The following ASAP1 variants were observed in gnomAD, a reference collection of about 807,000 sequenced individuals.
ASAP1 encodes the protein arf-GAP with SH3 domain, ANK repeat and PH domain-containing protein 1.
Under a neutral mutation model 145.2 loss-of-function variants are expected in ASAP1, and 43 were observed. That is an observed-to-expected ratio of 0.30 (90% CI 0.23 to 0.38). ASAP1 has a LOEUF of 0.38. ASAP1 is among the 10% of genes least tolerant of loss of function. The pLI is 1.00. For missense variants in ASAP1, 1,018 were observed against 1,355.3 expected, an observed-to-expected ratio of 0.75 and a Z score of 3.91; for synonymous variants, 546 against 515.5, an observed-to-expected ratio of 1.06 and a Z score of -0.80.
At chr8:130,418,777 T>A (rs1587009268) in intron 1 of ASAP1, among the ~76,000 whole-genome samples, 1 of 1,476 alleles carries the variant, frequency 6.8e-4, no homozygotes, top group East Asian at 0.015. Context: ...AAAATAGGAG[T>A]TTTTTTTTTT....
intron 3 of ASAP1, among the ~76,000 whole-genome samples, chr8:130,291,344 T>C (rs1821933776): frequency 6.6e-6 from 1 of 152,222 alleles, no homozygotes; most frequent in African/African-American, 2.4e-5. Flanking sequence ...CTGTAAGACC[T>C]AGGCCAGACA....
intron 3 of ASAP1, among the ~76,000 whole-genome samples, chr8:130,310,500 A>G (rs1172817848): frequency 6.6e-6 from 1 of 152,172 alleles, no homozygotes; most frequent in Non-Finnish European, 1.5e-5. Context: ...GAATTAAACC[A>G]CAAAGGCAAT....
chr8:130,300,215 G>T (rs1163677473), intron 3 of ASAP1, among the ~76,000 whole-genome samples: 1 of 144,128 alleles, frequency 6.9e-6, no homozygotes, highest in East Asian at 2.1e-4. Flanking sequence ...AATACAAAAG[G>T]CTTCTAAGGT....
intron 3 of ASAP1, among the ~76,000 whole-genome samples, chr8:130,317,857 C>G (rs1193097193): frequency 6.6e-6 from 1 of 152,172 alleles, no homozygotes; most frequent in African/African-American, 2.4e-5. Flanking sequence ...AGACCTGATA[C>G]AGCAGCAAGA....
intron 3 of ASAP1, among the ~76,000 whole-genome samples, chr8:130,287,285 G>T (rs541322091): frequency 6.6e-6 from 1 of 152,194 alleles, no homozygotes; most frequent in African/African-American, 2.4e-5. Flanking sequence ...TTGATGGATG[G>T]ATGTTGGGGG....
At position 130,207,429 on chromosome 8, in the gene ASAP1, C is replaced by T. The variant is rs960991343; in HGVS notation, c.405+7127G>A. On this transcript the variant is annotated intron_variant, in intron 5 of 29. Coordinates refer to ENST00000518721, the MANE Select transcript of ASAP1 (RefSeq NM_018482.4). ...ACATAAATTATTTCTAAAAATGCCA[C>T]CAGAATGGCAACTCCAAGAGGATAC... is the stretch of plus-strand genomic sequence containing the variant. 3.9e-5 allele frequency among the ~76,000 whole-genome samples: 6 copies of T among 152,160 alleles called. No homozygotes were observed. In the East Asian group the frequency reaches 1.2e-3, roughly 29 times the overall value.
At chr8:130,381,337 T>A (rs1827758966) in intron 2 of ASAP1, among the ~76,000 whole-genome samples, 1 of 152,214 alleles carries the variant, frequency 6.6e-6, no homozygotes, top group Non-Finnish European at 1.5e-5. Context: ...CCAATTTTAA[T>A]AACATATGTC....
chr8:130,406,782 C>T (rs554067931), intron 1 of ASAP1, among the ~76,000 whole-genome samples: 43 of 152,244 alleles, frequency 2.8e-4, no homozygotes, highest in Non-Finnish European at 5.3e-4. Context: ...TGTGCCTGCC[C>T]TAGTTCTCTC....
intron 5 of ASAP1, among the ~76,000 whole-genome samples, chr8:130,206,930 A>C (rs901998578): frequency 6.6e-6 from 1 of 152,174 alleles, no homozygotes; most frequent in Admixed American, 6.6e-5. Flanking sequence ...TGCCAGGAGT[A>C]GAGCAGACCC....
chr8:130,357,670 G>C (rs1322500538), intron 3 of ASAP1, among the ~76,000 whole-genome samples: 1 of 152,228 alleles, frequency 6.6e-6, no homozygotes, highest in Non-Finnish European at 1.5e-5. Context: ...TCGGTGGCCT[G>C]ACGCCACCTA....
intron 24 of ASAP1, among the ~76,000 whole-genome samples, chr8:130,108,242 T>C (rs1346041744): frequency 6.6e-6 from 1 of 152,230 alleles, no homozygotes; most frequent in Non-Finnish European, 1.5e-5. Context: ...AAATGAAGAA[T>C]TAATACTTAC....
intron 2 of ASAP1, among the ~76,000 whole-genome samples, chr8:130,382,285 CAAAAA>C (rs35060121): frequency 1.4e-4 from 10 of 73,504 alleles, no homozygotes; most frequent in Admixed American, 1.8e-4. Context: ...GATTCTGTCT[CAAAAA>C]AAAAAAAAAA....
intron 2 of ASAP1, among the ~76,000 whole-genome samples, chr8:130,396,580 T>A (rs2138527884): frequency 6.6e-6 from 1 of 152,390 alleles, no homozygotes; most frequent in Admixed American, 6.5e-5. Flanking sequence ...CACATTTCTT[T>A]TTCTTTTACA....
chr8:130,440,748 C>T (rs1830462548), intron 1 of ASAP1, among the ~76,000 whole-genome samples: 1 of 152,194 alleles, frequency 6.6e-6, no homozygotes, highest in African/African-American at 2.4e-5. Context: ...CAACTTTGCA[C>T]ATTCCCATCC....
At chr8:130,129,085 G>A (rs535968126) in intron 15 of ASAP1, among the ~76,000 whole-genome samples, 1 of 152,208 alleles carries the variant, frequency 6.6e-6, no homozygotes, top group Non-Finnish European at 1.5e-5. Flanking sequence ...GGTTTTATAA[G>A]GGGCTCTTCC....
In ASAP1 at chr8:130,060,967, G is replaced by C. The variant is rs1307172005; in HGVS notation, c.2804C>G (p.Pro935Arg). Residue 935 changes from proline (P) to arginine (R), a missense_variant, in exon 28 of 30, where the codon CCA (proline) becomes CGA (arginine). This residue lies in a region of ASAP1 where 38 missense variants were observed against 77.2 expected (regional missense o/e 0.49). Transcript: ENST00000518721. ...GGGCTTTGGGGGCAGGTCTCCAGGTGGTGGCTTTTGTGGCAACTCTGCCAA... is the reference window on the plus strand; with the variant it reads ...GGGCTTTGGGGGCAGGTCTCCAGGTCGTGGCTTTTGTGGCAACTCTGCCAA... ...SQLAELPQKPPPGDLPPKPTE... is the reference protein window; with the variant it reads ...SQLAELPQKPRPGDLPPKPTE... 4 of 1,594,218 alleles carry C rather than the reference G, an allele frequency of 2.5e-6. No homozygotes were observed.
intron 24 of ASAP1, among the ~76,000 whole-genome samples, chr8:130,108,286 A>C (rs2097540930): frequency 6.6e-6 from 1 of 152,242 alleles, no homozygotes; most frequent in Non-Finnish European, 1.5e-5. Flanking sequence ...GGGCTATATA[A>C]TGCCTGATTC....
intron 3 of ASAP1, among the ~76,000 whole-genome samples, chr8:130,318,719 G>A (rs1184892911): frequency 3.3e-5 from 5 of 152,120 alleles, no homozygotes; most frequent in African/African-American, 9.7e-5. Context: ...AAACTACTAC[G>A]TGATAGAGTT....
chr8:130,093,880 T>C (rs1175008934), intron 24 of ASAP1, among the ~76,000 whole-genome samples: 1 of 152,126 alleles, frequency 6.6e-6, no homozygotes, highest in African/African-American at 2.4e-5. Context: ...CCTACCAATA[T>C]TGACTTAAAC....
Sources: gnomAD v4.1 joint callset for allele counts (sites outside exome capture counted in the v4.1 genomes callset) on GRCh38, gnomAD v4.1.1 for gene constraint, gnomAD v4.1.1 regional missense constraint, MANE v1.5 for transcripts, NCBI Gene and HGNC (gene_info 2026-07-23, HGNC 2026-07-21) for gene names.